Variants in LRCH2 observed in about 807,000 individuals in gnomAD.
The protein encoded by LRCH2 is leucine rich repeats and calponin homology domain containing 2.
A neutral mutation model predicts 68.9 loss-of-function variants in LRCH2; 38 were observed. That is an observed-to-expected ratio of 0.55 (90% confidence interval 0.43 to 0.72). The LOEUF is 0.72. Ranked by LOEUF, LRCH2 falls within the 30% of genes least tolerant of loss-of-function variation. LRCH2 has a pLI of 0.00. For synonymous variants in LRCH2, 191 were observed against 208.1 expected (o/e 0.92, Z 0.71); for missense variants, 528 against 572.9 (o/e 0.92, Z 0.80).
chrX:115,190,047 AC>A, intron 1 of LRCH2: 1 of 1,156,026 alleles, frequency 8.7e-7, no homozygotes. Context: ...GGGCCGGCCC[AC>A]CCCACAAGAG....
chrX:115,224,216 G>T (rs143991450), intron 1 of LRCH2, among the ~76,000 whole-genome samples: 49 of 111,506 alleles, frequency 4.4e-4, no homozygotes, highest in Admixed American at 1.2e-3. Context: ...TGATTGGTTG[G>T]GGAGGAGGCA....
At chrX:115,177,544 A>T (rs953913234) in intron 5 of LRCH2, among the ~76,000 whole-genome samples, 1 of 111,912 alleles carries the variant, frequency 8.9e-6, no homozygotes, top group Non-Finnish European at 1.9e-5. Context: ...CGCTCTTGCT[A>T]TATAAGCTGT....
intron 15 of LRCH2, among the ~76,000 whole-genome samples, chrX:115,127,155 G>C (rs2072207036): frequency 9.0e-6 from 1 of 110,703 alleles, no homozygotes; most frequent in Admixed American, 9.7e-5. Context: ...CCCTCAAGTG[G>C]TTCGAAATAT....
intron 8 of LRCH2, 91 bp from the exon 9 acceptor site, chrX:115,165,746 G>T (rs1271909636): frequency 3.2e-6 from 3 of 927,423 alleles, no homozygotes; most frequent in African/African-American, 2.0e-5. Context: ...TTTTCTCAAT[G>T]TAAGAGTTTG....
At chrX:115,143,330 C>T (rs1241755416) in intron 14 of LRCH2, among the ~76,000 whole-genome samples, 1 of 110,753 alleles carries the variant, frequency 9.0e-6, no homozygotes, top group Non-Finnish European at 1.9e-5. Context: ...ATTCGAAGGG[C>T]CACTACTAGC....
At chrX:115,210,897 G>A (rs1307169207) in intron 1 of LRCH2, among the ~76,000 whole-genome samples, 1 of 111,966 alleles carries the variant, frequency 8.9e-6, no homozygotes, top group Non-Finnish European at 1.9e-5. Context: ...TTTCAAACTT[G>A]CACAAGGCCT....
chrX:115,227,682 T>C (rs2073128166), intron 1 of LRCH2, among the ~76,000 whole-genome samples: 1 of 106,718 alleles, frequency 9.4e-6, no homozygotes, highest in Non-Finnish European at 1.9e-5. Context: ...CTCTAGACTA[T>C]ACATACTAGA....
At chrX:115,121,384 G>C (rs188285667) in intron 20 of LRCH2, among the ~76,000 whole-genome samples, 2 of 111,662 alleles carry the variant, frequency 1.8e-5, no homozygotes, top group African/African-American at 3.3e-5. Flanking sequence ...AAGCACAGTG[G>C]CTTGTGCCTG....
chrX:115,183,656 T>C (rs1373782664), intron 3 of LRCH2, among the ~76,000 whole-genome samples: 2 of 110,501 alleles, frequency 1.8e-5, no homozygotes, highest in African/African-American at 3.3e-5. Context: ...ATCATGTCAC[T>C]ACACACCAGT....
intron 15 of LRCH2, among the ~76,000 whole-genome samples, chrX:115,128,507 T>G (rs987106972): frequency 2.8e-4 from 31 of 112,551 alleles, no homozygotes; most frequent in South Asian, 7.3e-4. Flanking sequence ...ATAAAAGTTA[T>G]GTAAATGTGG....
intron 20 of LRCH2, among the ~76,000 whole-genome samples, chrX:115,114,274 C>A (rs1469775885): frequency 2.7e-5 from 3 of 111,127 alleles, no homozygotes; most frequent in Non-Finnish European, 5.7e-5. Flanking sequence ...TGATGGTATC[C>A]CATAAAGAGT....
rs782359425 is a variant in LRCH2 at position 115,188,324 on chromosome X, T to C, written c.396A>G (p.Leu132=). Reference sequence around the variant, plus strand: ...AATTTAATGTTTCAAGGGGTGCAAATAACCAGACATCAGAAGGAATTTCTG... The same window carrying C: ...AATTTAATGTTTCAAGGGGTGCAAACAACCAGACATCAGAAGGAATTTCTG... The part of the protein sequence containing the change: ...RFTEIPSDVW[L]FAPLETLNLY... Residue 132 remains leucine, a synonymous_variant, in exon 2 of 21, where the codon TTA becomes TTG. Coordinates refer to ENST00000317135, the MANE Select transcript of LRCH2 (RefSeq NM_020871.4). 9 of 1,191,557 alleles carry C rather than the reference T, an allele frequency of 7.6e-6. No homozygotes were observed. Among genetic ancestry groups the C allele is most frequent in the Non-Finnish European group, 1.0e-5 (9 of 885,493 alleles).
At chrX:115,184,801 T>A (rs1359118484) in intron 2 of LRCH2, among the ~76,000 whole-genome samples, 1 of 111,787 alleles carries the variant, frequency 8.9e-6, no homozygotes, top group Non-Finnish European at 1.9e-5. Context: ...ACTGGTTAAG[T>A]GATTTGCCCA....
chrX:115,205,884 G>C, intron 1 of LRCH2, among the ~76,000 whole-genome samples: 1 of 110,291 alleles, frequency 9.1e-6, no homozygotes, highest in Non-Finnish European at 1.9e-5. Context: ...GTTGCAGTGA[G>C]CCGAGATCAC....
Position 115,178,778 on chromosome X carries a change from G to A in LRCH2, c.864+649C>T, listed in dbSNP as rs1364924225. Among the ~76,000 whole-genome samples the A allele has an allele frequency of 3.6e-5, 4 of 112,153 alleles. No individual in the cohort carries two copies. The South Asian group carries it at 1.5e-3, about 42-fold the overall frequency. The stretch of plus-strand genomic sequence containing the variant: ...CTGGATGTCTGCAAACCCTCTGCCA[G>A]GGCACACAGCATAAAGTACCATTTC... On this transcript the variant is annotated intron_variant, in intron 5 of 20. Coordinates refer to ENST00000317135, the MANE Select transcript of LRCH2 (RefSeq NM_020871.4).
chrX:115,171,776 T>C (rs1204341530), intron 5 of LRCH2, among the ~76,000 whole-genome samples: 1 of 108,907 alleles, frequency 9.2e-6, no homozygotes, highest in Non-Finnish European at 1.9e-5. Flanking sequence ...ACCCTCGACA[T>C]CCTGGGCTCA....
At chrX:115,129,921 T>C in intron 15 of LRCH2, among the ~76,000 whole-genome samples, 1 of 111,387 alleles carries the variant, frequency 9.0e-6, no homozygotes, top group Non-Finnish European at 1.9e-5. Context: ...AGACGAATGA[T>C]GATAAAATTC....
intron 2 of LRCH2, among the ~76,000 whole-genome samples, chrX:115,186,343 G>A (rs1191262842): frequency 9.2e-5 from 9 of 98,271 alleles, no homozygotes; most frequent in African/African-American, 3.3e-4. Flanking sequence ...GCAAGACTCC[G>A]TCTAAAAAAA....
At chrX:115,133,480 G>T (rs1043799076) in intron 14 of LRCH2, among the ~76,000 whole-genome samples, 1 of 111,868 alleles carries the variant, frequency 8.9e-6, no homozygotes, top group Non-Finnish European at 1.9e-5. Context: ...TTTTAAATGT[G>T]CAAATACAAA....
Sources: allele counts gnomAD v4.1 joint callset (sites outside exome capture counted in the v4.1 genomes callset), GRCh38; gene constraint gnomAD v4.1.1; transcripts MANE v1.5; gene names NCBI Gene and HGNC (gene_info 2026-07-23, HGNC 2026-07-21).